The following SRC variants were observed in gnomAD, a reference collection of about 807,000 sequenced individuals.
SRC encodes SRC proto-oncogene, non-receptor tyrosine kinase, also known as proto-oncogene tyrosine-protein kinase Src.
A neutral mutation model predicts 62.9 loss-of-function variants in SRC; 13 were observed. The ratio of observed to expected loss-of-function variants is 0.21; its 90% CI spans 0.13 to 0.33. The LOEUF is 0.33. Ranked by LOEUF, SRC falls within the 10% of genes least tolerant of loss-of-function variation. SRC has a pLI of 1.00. For missense variants in SRC, 457 were observed against 737.3 expected (o/e 0.62, Z 4.40); for synonymous variants, 302 against 317.5 (o/e 0.95, Z 0.52).
chr20:37,393,480 CT>C (rs1466944509), intron 5 of SRC, among the ~76,000 whole-genome samples: 1 of 152,226 alleles, frequency 6.6e-6, no homozygotes, highest in Non-Finnish European at 1.5e-5. Flanking sequence ...AGCCAGGAAT[CT>C]CTTCTATTAC....
chr20:37,361,017 C>T (rs534015368), intron 1 of SRC, among the ~76,000 whole-genome samples: 17 of 152,040 alleles, frequency 1.1e-4, no homozygotes, highest in African/African-American at 2.9e-4. Context: ...AAAAGGGTGG[C>T]GGTCCCTCTC....
chr20:37,357,236 C>T (rs1216904019), intron 1 of SRC, among the ~76,000 whole-genome samples: 1 of 152,210 alleles, frequency 6.6e-6, no homozygotes, highest in African/African-American at 2.4e-5. Flanking sequence ...GAAGGAGCTT[C>T]CTCAGACACA....
Position 37,371,859 on chromosome 20 carries a change from C to T in SRC, c.-173+6582C>T, listed in dbSNP as rs531731260. Reference sequence around the variant, plus strand: ...TGGGATTACAAGGCACCTGCCACCACGCCTGGCTGATTTTTGTATTTTTAG... The same window carrying T: ...TGGGATTACAAGGCACCTGCCACCATGCCTGGCTGATTTTTGTATTTTTAG... On this transcript the variant is annotated intron_variant, in intron 2 of 13. Transcript: ENST00000373578. Among the ~76,000 whole-genome samples, 17 of 152,000 alleles carry T rather than the reference C, an allele frequency of 1.1e-4. No individual in the cohort carries two copies. In the South Asian group the frequency reaches 2.7e-3, roughly 24 times the overall value.
At chr20:37,359,218 C>G (rs1400732091) in intron 1 of SRC, among the ~76,000 whole-genome samples, 1 of 152,232 alleles carries the variant, frequency 6.6e-6, no homozygotes, top group East Asian at 1.9e-4. Flanking sequence ...CTGTGGGGCC[C>G]TAGGTGGGGC....
At chr20:37,350,372 G>A (rs936195522) in intron 1 of SRC, among the ~76,000 whole-genome samples, 6 of 152,242 alleles carry the variant, frequency 3.9e-5, no homozygotes, top group Admixed American at 1.3e-4. Flanking sequence ...TGCCTCCTCT[G>A]GCAGCTGATG....
chr20:37,375,056 G>C (rs1446342013), intron 2 of SRC, among the ~76,000 whole-genome samples: 2 of 151,054 alleles, frequency 1.3e-5, no homozygotes, highest in African/African-American at 2.4e-5. Flanking sequence ...TCAGCCTCTC[G>C]AGTAGCTGGG....
In SRC at chr20:37,403,645, A is replaced by G. The variant is rs1032102157; in HGVS notation, c.*266A>G. 1.9e-6 allele frequency: 1 copy of G among 518,104 alleles called. No individual in the cohort carries two copies. Among genetic ancestry groups the G allele is most frequent in the Non-Finnish European group, 3.5e-6 (1 of 286,340 alleles). 32.1% of individuals were successfully genotyped at this position (518,104 alleles called of 1,614,324 possible). A position where few individuals can be genotyped will look rare whatever the true frequency, so the allele number is the denominator to read the frequency against. ...CGCCTCTCCCTGCACTCCCTCCTGG[A>G]GCTCTGTGGGTCTCTGGAAGAGGAA... On this transcript the variant is annotated 3_prime_UTR_variant, in exon 14 of 14. Transcript: ENST00000373578. The surrounding 1 kb of genome is among the most constrained non-coding windows in gnomAD (Gnocchi z 7.1).
rs570370425 is a variant in SRC, at chr20:37,383,933, C to T, written c.-4-217C>T. 8.6e-5 allele frequency among the ~76,000 whole-genome samples: 13 copies of T among 151,642 alleles called. No homozygotes were observed. The East Asian group carries it at 2.0e-3, about 23-fold the overall frequency. On this transcript the variant is annotated intron_variant, in intron 3 of 13. Transcript: ENST00000373578. ...TTTTTTCAAGTAGAGCCCGGGTTTC[C>T]GCGTGTTGGCCCGGCAGGTCTCAAA...
At chr20:37,401,534 T>G in intron 10 of SRC, 68 bp from the exon 11 acceptor site, 1 of 1,289,714 alleles carries the variant, frequency 7.8e-7, no homozygotes, top group Non-Finnish European at 1.1e-6. Context: ...GGAGGATGGG[T>G]TTTGGGAATC....
intron 5 of SRC, among the ~76,000 whole-genome samples, chr20:37,387,272 G>A (rs1215833917): frequency 2.0e-5 from 3 of 152,150 alleles, no homozygotes; most frequent in Non-Finnish European, 2.9e-5. Context: ...CCTGTTCATC[G>A]CTCAAGATCA....
At chr20:37,387,455 G>A (rs1419809574) in intron 5 of SRC, among the ~76,000 whole-genome samples, 1 of 151,982 alleles carries the variant, frequency 6.6e-6, no homozygotes, top group Non-Finnish European at 1.5e-5. Flanking sequence ...GCTCAGCGAT[G>A]TGAAGGCCCT....
chr20:37,373,165 T>TGCACAC (rs1373660448), intron 2 of SRC, among the ~76,000 whole-genome samples: 7 of 151,284 alleles, frequency 4.6e-5, no homozygotes, highest in African/African-American at 1.7e-4. Flanking sequence ...CATACACACA[T>TGCACAC]ATATGTACAC....
intron 4 of SRC, among the ~76,000 whole-genome samples, chr20:37,385,126 T>C (rs1451576457): frequency 6.6e-6 from 1 of 152,026 alleles, no homozygotes; most frequent in African/African-American, 2.4e-5. Context: ...GACCTCACAC[T>C]TGTAGCTGAA....
rs2070686214 is a variant in SRC, at chr20:37,398,148, C to A, written c.859+294C>A. On this transcript the variant is annotated intron_variant, in intron 9 of 13. Transcript: ENST00000373578. This position sits in a 1 kb window ranked among gnomAD's most constrained non-coding sequence, Gnocchi z 5.2. ...GGCCTCACTCAGAGCCTCAGTCTTCCCGACTGTGAATGGGGCTGGTGACAG... is the reference window on the plus strand; with the variant it reads ...GGCCTCACTCAGAGCCTCAGTCTTCACGACTGTGAATGGGGCTGGTGACAG... Among the ~76,000 whole-genome samples, 1 of 152,186 alleles carries A rather than the reference C, an allele frequency of 6.6e-6. No homozygotes were observed. Among genetic ancestry groups the A allele is most frequent in the African/African-American group, 2.4e-5 (1 of 41,448 alleles).
intron 2 of SRC, among the ~76,000 whole-genome samples, chr20:37,373,414 T>C (rs1452924268): frequency 6.6e-6 from 1 of 151,064 alleles, no homozygotes; most frequent in Non-Finnish European, 1.5e-5. Flanking sequence ...TACGCATATA[T>C]ACGCATATAT....
intron 2 of SRC, among the ~76,000 whole-genome samples, chr20:37,373,413 A>G (rs959403504): frequency 1.3e-5 from 2 of 151,874 alleles, no homozygotes; most frequent in Admixed American, 6.5e-5. Flanking sequence ...ATACGCATAT[A>G]TACGCATATA....
Position 37,397,904 on chromosome 20 carries a change from G to C in SRC, c.859+50G>C, listed in dbSNP as rs1423502982. 2 of 1,564,246 alleles carry C rather than the reference G, an allele frequency of 1.3e-6. No homozygotes were observed. Among genetic ancestry groups the C allele is most frequent in the Non-Finnish European group, 1.7e-6 (2 of 1,158,384 alleles). On this transcript the variant is annotated intron_variant, in intron 9 of 13. Transcript: ENST00000373578. The surrounding 1 kb of genome is among the most constrained non-coding windows in gnomAD (Gnocchi z 4.1). ...GAGAGGCATCCACCCCCCACCCCGT[G>C]TGGCAGCTCCGGGCTCCCTTGGTCC...
intron 2 of SRC, among the ~76,000 whole-genome samples, chr20:37,378,136 G>C (rs1478963459): frequency 6.8e-6 from 1 of 146,664 alleles, no homozygotes; most frequent in African/African-American, 2.5e-5. Context: ...GCATGTGTGT[G>C]TGTGCAATTT....
In SRC at chr20:37,373,157, TAC is replaced by T. The variant is rs539804735; in HGVS notation, c.-173+7886_-173+7887del. ...ATACACATATGTACATATACACACA[TAC>T]ACACATATATGTACACACATACACA... On this transcript the variant is annotated intron_variant, in intron 2 of 13. Transcript: ENST00000373578. Among the ~76,000 whole-genome samples the T allele has an allele frequency of 1.8e-4, 17 of 94,834 alleles. 1 individual carries two copies. The South Asian group carries it at 3.8e-3, about 21-fold the overall frequency. The allele number at this position is 94,834 out of a possible 152,430, so 62.2% of individuals were successfully genotyped here.
Sources: gnomAD v4.1 joint callset for allele counts (sites outside exome capture counted in the v4.1 genomes callset) on GRCh38, gnomAD v4.1.1 for gene constraint, Gnocchi (gnomAD v3.1) non-coding constraint, MANE v1.5 for transcripts, NCBI Gene and HGNC (gene_info 2026-07-23, HGNC 2026-07-21) for gene names.